Variants in NEMP1 observed in about 807,000 individuals in gnomAD.
NEMP1 encodes the protein transmembrane protein 194.
Under a neutral mutation model 53.7 loss-of-function variants are expected in NEMP1, and 29 were observed. The ratio of observed to expected loss-of-function variants is 0.54; its 90% CI spans 0.40 to 0.74. NEMP1 has a LOEUF of 0.74. Among genes scored for constraint, NEMP1 ranks in the 30% least tolerant of loss-of-function variants. NEMP1 has a pLI of 0.00. For missense variants in NEMP1, 477 were observed against 528.6 expected (o/e 0.90, Z 0.96); for synonymous variants, 193 against 192.9 (o/e 1.00, Z 0.00).
chr12:57,080,995 T>A (rs2032831707), upstream of NEMP1, among the ~76,000 whole-genome samples: 1 of 152,014 alleles, frequency 6.6e-6, no homozygotes, highest in East Asian at 1.9e-4. Flanking sequence ...GATATGGTCA[T>A]CCTGTATTTC....
At position 57,063,322 on chromosome 12, in the gene NEMP1, G is replaced by T. The variant is rs2031911999; in HGVS notation, c.777C>A (p.Phe259Leu). The T allele has an allele frequency of 6.2e-7, 1 of 1,614,142 alleles. No individual in the cohort carries two copies. Among genetic ancestry groups the T allele is most frequent in the Non-Finnish European group, 8.5e-7 (1 of 1,179,978 alleles). ...YLLSYVLTVG[F>L]MSFAVCYKYG... ...ACTTGTAACATACTGCAAAACTCAT[G>T]AATCCAACTGTGAGGACATAACCTA... Residue 259 changes from phenylalanine (F) to leucine (L), a missense_variant, in exon 7 of 9, where the codon TTC becomes TTA. Physicochemically the swap from Phe to Leu is conservative, Grantham distance 22. Transcript: ENST00000300128.
intron 1 of NEMP1, among the ~76,000 whole-genome samples, chr12:57,076,434 C>G (rs1037723959): frequency 6.7e-5 from 10 of 148,306 alleles, no homozygotes; most frequent in Non-Finnish European, 1.3e-4. Context: ...TAGGCTGAGG[C>G]GGGCGGAACA....
Position 57,060,186 on chromosome 12 carries a change from C to G in NEMP1, c.1155-127G>C, listed in dbSNP as rs1477066662. ...AAATTATATTAAGTCTAGCCAACAT[C>G]CTTGTCCTTACTCTGGCAGGTAAGT... On this transcript the variant is annotated intron_variant, in intron 8 of 8. Transcript: ENST00000300128. The G allele has an allele frequency of 4.7e-6, 4 of 852,116 alleles. No homozygotes were observed. The South Asian group carries it at 5.4e-5, about 12-fold the overall frequency. 52.8% of individuals were successfully genotyped at this position (852,116 alleles called of 1,614,324 possible).
chr12:57,082,186 C>CTGGGAAG, upstream of NEMP1, among the ~76,000 whole-genome samples: 1 of 152,178 alleles, frequency 6.6e-6, no homozygotes, highest in Admixed American at 6.5e-5. Flanking sequence ...TGCCACTGCA[C>CTGGGAAG]TCCAGCCCGG....
In NEMP1 at chr12:57,056,619, T is replaced by A. The variant is rs1187802202; in HGVS notation, c.*3260A>T. The A allele has an allele frequency of 6.6e-6, 1 of 152,178 alleles. No individual in the cohort carries two copies. Among genetic ancestry groups the A allele is most frequent in the Non-Finnish European group, 1.5e-5 (1 of 68,032 alleles). The allele number at this position is 152,178 out of a possible 1,614,324, so 9.4% of individuals were successfully genotyped here. On this transcript the variant is annotated 3_prime_UTR_variant, in exon 9 of 9. Coordinates refer to ENST00000300128, the MANE Select transcript of NEMP1 (RefSeq NM_001130963.2). ...CACTACTCAATTCAAAGAAAAGTTATGAGTACACAGCTAGGAACCATTTTT... is the reference window on the plus strand; with the variant it reads ...CACTACTCAATTCAAAGAAAAGTTAAGAGTACACAGCTAGGAACCATTTTT...
rs2031569696 is a variant in NEMP1, at chr12:57,057,260, C to T, written c.*2619G>A. 6.6e-6 allele frequency: 1 copy of T among 152,268 alleles called. No individual in the cohort carries two copies. The highest frequency in any genetic ancestry group is 2.4e-5 in the African/African-American group (1 of 41,462). The allele number at this position is 152,268 out of a possible 1,614,324, so 9.4% of individuals were successfully genotyped here. On this transcript the variant is annotated 3_prime_UTR_variant, in exon 9 of 9. Transcript: ENST00000300128. ...GGCTTGACATTCACCCAGCAAGACGCTGACGTGGCAGCAAACACGGCTCCA... is the reference window on the plus strand; with the variant it reads ...GGCTTGACATTCACCCAGCAAGACGTTGACGTGGCAGCAAACACGGCTCCA...
intron 1 of NEMP1, 84 bp downstream of exon 1, chr12:57,078,535 C>G (rs1031560455): frequency 4.0e-6 from 6 of 1,508,230 alleles, no homozygotes; most frequent in Non-Finnish European, 8.9e-7. Flanking sequence ...TGCAGAGTAA[C>G]GGCCCGCGCC....
intron 6 of NEMP1, 30 bp downstream of exon 6, chr12:57,064,041 C>T: frequency 2.8e-6 from 4 of 1,420,714 alleles, no homozygotes; most frequent in African/African-American, 1.4e-5. Context: ...TATAAACGTA[C>T]AAAAGGAAAG....
chr12:57,072,783 A>G lies in NEMP1; in HGVS notation c.252+5T>C, dbSNP rs768977257. 1 of 1,592,786 alleles carries G rather than the reference A, an allele frequency of 6.3e-7. No homozygotes were observed. The highest frequency in any genetic ancestry group is 1.1e-5 in the South Asian group (1 of 87,806). ...TGCCACTGCCAGAGGATTCCAAGTT[A>G]TTACCTGTATCCGTGTCCATATATC... On this transcript the variant is annotated splice_donor_5th_base_variant and intron_variant, in intron 2 of 8. Transcript: ENST00000300128.
chr12:57,077,136 TC>T (rs2032664890), intron 1 of NEMP1, among the ~76,000 whole-genome samples: 1 of 151,550 alleles, frequency 6.6e-6, no homozygotes, highest in African/African-American at 2.4e-5. Flanking sequence ...ATCAAGACCA[TC>T]CTGGCTAACA....
At chr12:57,071,435 T>C (rs1363555867) in intron 2 of NEMP1, among the ~76,000 whole-genome samples, 2 of 152,032 alleles carry the variant, frequency 1.3e-5, no homozygotes, top group Admixed American at 1.3e-4. Flanking sequence ...TGGAGTGCAG[T>C]GACATGACTT....
chr12:57,067,038 C>T, intron 4 of NEMP1, among the ~76,000 whole-genome samples: 1 of 152,084 alleles, frequency 6.6e-6, no homozygotes, highest in East Asian at 1.9e-4. Flanking sequence ...TGAAAATGAA[C>T]TAATAGGCTG....
Position 57,078,496 on chromosome 12 carries a change from G to T in NEMP1, c.127+123C>A. The stretch of plus-strand genomic sequence containing the variant: ...CAAGTTTCTTCCACCACACTACGCC[G>T]GCGGCCCTCGGTAGAGCCACCGCCC... On this transcript the variant is annotated intron_variant, in intron 1 of 8. Coordinates refer to ENST00000300128, the MANE Select transcript of NEMP1 (RefSeq NM_001130963.2). 5 of 1,327,426 alleles carry T rather than the reference G, an allele frequency of 3.8e-6. No individual in the cohort carries two copies. The South Asian group carries it at 7.4e-5, about 20-fold the overall frequency. 82.2% of individuals were successfully genotyped at this position (1,327,426 alleles called of 1,614,324 possible). A position where few individuals can be genotyped will look rare whatever the true frequency, so the allele number is the denominator to read the frequency against.
At chr12:57,063,018 AT>A (rs2031892500) in intron 7 of NEMP1, 100 bp downstream of exon 7, 1 of 891,296 alleles carries the variant, frequency 1.1e-6, no homozygotes, top group Admixed American at 2.2e-5. Flanking sequence ...ATGACTTTTC[AT>A]TAACAAAGAA....
rs777882367 is a variant in NEMP1, at chr12:57,056,145, C to T, written c.*3734G>A. ...TGACCACTCCCATCTGCCACTAAAGCTACGAGTTGGTGTTGGCATGAATCT... is the reference window on the plus strand; with the variant it reads ...TGACCACTCCCATCTGCCACTAAAGTTACGAGTTGGTGTTGGCATGAATCT... On this transcript the variant is annotated 3_prime_UTR_variant, in exon 9 of 9. Transcript: ENST00000300128. 29 of 152,196 alleles carry T rather than the reference C, an allele frequency of 1.9e-4. No homozygotes were observed. Among genetic ancestry groups the T allele is most frequent in the African/African-American group, 1.2e-4 (5 of 41,450 alleles). 9.4% of individuals were successfully genotyped at this position (152,196 alleles called of 1,614,324 possible). A position where few individuals can be genotyped will look rare whatever the true frequency, so the allele number is the denominator to read the frequency against.
intron 2 of NEMP1, among the ~76,000 whole-genome samples, chr12:57,071,617 G>C (rs2032350447): frequency 6.6e-6 from 1 of 152,150 alleles, no homozygotes; most frequent in South Asian, 2.1e-4. Context: ...GACCTCAAGT[G>C]ATTTGCCCGC....
intron 4 of NEMP1, among the ~76,000 whole-genome samples, chr12:57,066,260 A>T (rs1190088453): frequency 6.6e-6 from 1 of 152,104 alleles, no homozygotes; most frequent in Non-Finnish European, 1.5e-5. Flanking sequence ...GTCTCAAAAA[A>T]ACAAACAAAC....
chr12:57,084,144 G>A (rs1319493348), intron 1 of NEMP1, among the ~76,000 whole-genome samples: 1 of 152,172 alleles, frequency 6.6e-6, no homozygotes, highest in African/African-American at 2.4e-5. Flanking sequence ...TGTATTTTTA[G>A]TAGAGACGGG....
Position 57,064,822 on chromosome 12 carries a change from G to A in NEMP1, c.546-83C>T, listed in dbSNP as rs535167750. ...TGAAACTAGGACAACTAACCCAGCC[G>A]AAAGATTTTAAAAGGTACAAGATTA... is the stretch of plus-strand genomic sequence containing the variant. On this transcript the variant is annotated intron_variant, in intron 4 of 8. Coordinates refer to ENST00000300128, the MANE Select transcript of NEMP1 (RefSeq NM_001130963.2). 1.4e-4 allele frequency: 144 copies of A among 1,020,538 alleles called. No homozygotes were observed. In the South Asian group the frequency reaches 1.9e-3, roughly 13 times the overall value. The allele number at this position is 1,020,538 out of a possible 1,614,324, so 63.2% of individuals were successfully genotyped here.
Sources: allele counts gnomAD v4.1 joint callset (sites outside exome capture counted in the v4.1 genomes callset), GRCh38; gene constraint gnomAD v4.1.1; transcripts MANE v1.5; gene names NCBI Gene and HGNC (gene_info 2026-07-23, HGNC 2026-07-21).